Variants in PLD5 observed in about 807,000 individuals in gnomAD.
The protein encoded by PLD5 is phospholipase D family member 5.
In PLD5, 36 loss-of-function variants were observed where a neutral mutation model predicts 61.1. The observed-to-expected ratio is 0.59, with a 90% confidence interval of 0.45 to 0.78. The LOEUF is 0.78. Among genes scored for constraint, PLD5 ranks in the 30% least tolerant of loss-of-function variants. The pLI is 0.00. For synonymous variants in PLD5, 243 were observed against 242.8 expected, an observed-to-expected ratio of 1.00 and a Z score of -0.01; for missense variants, 515 against 644.4, an observed-to-expected ratio of 0.80 and a Z score of 2.17.
chr1:242,136,430 A>G (rs999423947), intron 5 of PLD5, among the ~76,000 whole-genome samples: 1 of 152,084 alleles, frequency 6.6e-6, no homozygotes, highest in Non-Finnish European at 1.5e-5. Flanking sequence ...TTTAGTATTC[A>G]CCATACCCTC....
At chr1:242,240,143 T>C (rs1377225432) in intron 4 of PLD5, among the ~76,000 whole-genome samples, 1 of 152,216 alleles carries the variant, frequency 6.6e-6, no homozygotes, top group African/African-American at 2.4e-5. Flanking sequence ...TGGCCAGCAC[T>C]CTTACATCTA....
chr1:242,378,931 G>A (rs1162930866), intron 1 of PLD5, among the ~76,000 whole-genome samples: 4 of 152,140 alleles, frequency 2.6e-5, no homozygotes, highest in African/African-American at 9.7e-5. Flanking sequence ...AACTTTATCA[G>A]CTTTTCCTTC....
chr1:242,512,137 T>C (rs140524082), intron 1 of PLD5, among the ~76,000 whole-genome samples: 350 of 151,516 alleles, frequency 2.3e-3, no homozygotes, highest in South Asian at 9.4e-3. Flanking sequence ...TTTGGTTGGG[T>C]GCGGTGGTTC....
chr1:242,297,263 G>T (rs1341369041), intron 2 of PLD5, among the ~76,000 whole-genome samples: 2 of 145,618 alleles, frequency 1.4e-5, no homozygotes, highest in Non-Finnish European at 3.0e-5. Context: ...AAAATTGCTT[G>T]AACTCTGAAG....
chr1:242,115,784 C>A (rs150644413), intron 6 of PLD5, among the ~76,000 whole-genome samples: 1 of 151,922 alleles, frequency 6.6e-6, no homozygotes, highest in African/African-American at 2.4e-5. Flanking sequence ...TATTAAGATG[C>A]CGAAATTCAG....
At chr1:242,295,310 CCA>C (rs1675594018) in intron 2 of PLD5, among the ~76,000 whole-genome samples, 1 of 152,116 alleles carries the variant, frequency 6.6e-6, no homozygotes, top group Admixed American at 6.6e-5. Flanking sequence ...TTTGGGGTCT[CCA>C]GTGTCTATTA....
chr1:242,357,538 T>C (rs889108766), intron 1 of PLD5, among the ~76,000 whole-genome samples: 1 of 150,844 alleles, frequency 6.6e-6, no homozygotes, highest in Non-Finnish European at 1.5e-5. Flanking sequence ...CAGGCTGGAG[T>C]GCAATGGCAT....
intron 4 of PLD5, among the ~76,000 whole-genome samples, chr1:242,240,771 G>A (rs1671949185): frequency 6.6e-6 from 1 of 152,122 alleles, no homozygotes; most frequent in Admixed American, 6.5e-5. Context: ...GAGAATTCAG[G>A]GATGAAAAAT....
At chr1:242,331,185 C>T (rs1179926032) in intron 2 of PLD5, among the ~76,000 whole-genome samples, 1 of 152,142 alleles carries the variant, frequency 6.6e-6, no homozygotes, top group Non-Finnish European at 1.5e-5. Flanking sequence ...AGCCACAGTT[C>T]CTGACACAAA....
intron 8 of PLD5, among the ~76,000 whole-genome samples, chr1:242,103,124 A>T (rs1423216744): frequency 6.6e-6 from 1 of 152,130 alleles, no homozygotes; most frequent in Non-Finnish European, 1.5e-5. Flanking sequence ...CATATGGTAT[A>T]CCAAAAGTCC....
intron 1 of PLD5, among the ~76,000 whole-genome samples, chr1:242,403,042 C>A (rs1219092938): frequency 3.3e-5 from 5 of 152,196 alleles, no homozygotes; most frequent in Admixed American, 2.6e-4. Flanking sequence ...TCAATCAAAC[C>A]TTTTAGCGCC....
chr1:242,134,839 T>TAG (rs1384855747), intron 5 of PLD5, among the ~76,000 whole-genome samples: 5 of 152,180 alleles, frequency 3.3e-5, no homozygotes, highest in Admixed American at 6.5e-5. Context: ...TTGGTTCTCA[T>TAG]AGCTTCCCTG....
At chr1:242,211,439 C>T (rs1345050305) in intron 5 of PLD5, among the ~76,000 whole-genome samples, 1 of 152,188 alleles carries the variant, frequency 6.6e-6, no homozygotes, top group Non-Finnish European at 1.5e-5. Flanking sequence ...GGCAGGATGG[C>T]CCTCTCCAGG....
At chr1:242,368,888 G>A (rs1405842705) in intron 1 of PLD5, among the ~76,000 whole-genome samples, 1 of 152,144 alleles carries the variant, frequency 6.6e-6, no homozygotes, top group East Asian at 1.9e-4. Flanking sequence ...TGTTAGAAAG[G>A]AAGTTCTGCC....
At chr1:242,205,205 A>G (rs1332025311) in intron 5 of PLD5, among the ~76,000 whole-genome samples, 1 of 152,216 alleles carries the variant, frequency 6.6e-6, no homozygotes, top group Non-Finnish European at 1.5e-5. Flanking sequence ...TCACTTGGGA[A>G]TGACCTCCTG....
Position 242,250,875 on chromosome 1 carries a change from G to A in PLD5, c.607+14462C>T, listed in dbSNP as rs566461121. 1.1e-4 allele frequency among the ~76,000 whole-genome samples: 16 copies of A among 152,228 alleles called. No individual in the cohort carries two copies. In the South Asian group the frequency reaches 3.3e-3, roughly 32 times the overall value. ...TAAAGGCCTAAGTTAGAGTAGTAGA[G>A]GGAGGGAGGGAAAAGGAGAACTATT... is the stretch of plus-strand genomic sequence containing the variant. On this transcript the variant is annotated intron_variant, in intron 4 of 9. Coordinates refer to ENST00000536534, the MANE Select transcript of PLD5 (RefSeq NM_001372062.1).
At chr1:242,339,104 A>G (rs1377476640) in intron 2 of PLD5, among the ~76,000 whole-genome samples, 2 of 152,198 alleles carry the variant, frequency 1.3e-5, no homozygotes, top group East Asian at 3.8e-4. Context: ...GATCTAAGGC[A>G]TATTCTACTA....
intron 1 of PLD5, among the ~76,000 whole-genome samples, chr1:242,505,337 A>G (rs1257460987): frequency 6.6e-6 from 1 of 152,202 alleles, no homozygotes; most frequent in Admixed American, 6.5e-5. Context: ...TTAGACCCCA[A>G]GAGTAGATTT....
chr1:242,469,836 T>C (rs946395047), intron 1 of PLD5, among the ~76,000 whole-genome samples: 1 of 152,068 alleles, frequency 6.6e-6, no homozygotes, highest in African/African-American at 2.4e-5. Context: ...CAGACTGCTG[T>C]GTAGGTCCAG....
Sources: allele counts gnomAD v4.1 joint callset (sites outside exome capture counted in the v4.1 genomes callset), GRCh38; gene constraint gnomAD v4.1.1; transcripts MANE v1.5; gene names NCBI Gene and HGNC (gene_info 2026-07-23, HGNC 2026-07-21).